Variants in ZNF25 observed in about 807,000 individuals in gnomAD.
ZNF25 encodes the protein zinc finger protein 25.
A neutral mutation model predicts 30.9 loss-of-function variants in ZNF25; 21 were observed. The ratio of observed to expected loss-of-function variants is 0.68; its 90% confidence interval spans 0.48 to 0.98. ZNF25 has a LOEUF of 0.98. Among genes scored for constraint, ZNF25 ranks in the 50% least tolerant of loss-of-function variants. The pLI, the probability that ZNF25 is intolerant of heterozygous loss-of-function variation, is 0.00. For synonymous variants in ZNF25, 169 were observed against 181.3 expected (o/e 0.93, Z 0.55); for missense variants, 501 against 529.9 (o/e 0.95, Z 0.54).
rs1794372312 is a variant in ZNF25 at position 37,949,719 on chromosome 10, T to C, written c.*2408A>G. 6.6e-6 allele frequency: 1 copy of C among 152,500 alleles called. No homozygotes were observed. Among genetic ancestry groups the C allele is most frequent in the Non-Finnish European group, 1.5e-5 (1 of 68,032 alleles). The allele number at this position is 152,500 out of a possible 1,614,324, so 9.4% of individuals were successfully genotyped here. On this transcript the variant is annotated 3_prime_UTR_variant, in exon 6 of 6. Coordinates refer to ENST00000302609, the MANE Select transcript of ZNF25 (RefSeq NM_145011.4). ...GGAATTGGGTATTGTAAGTTTTTTG[T>C]TATTGGGTTACGTTAGCTAAGTATG... is the stretch of plus-strand genomic sequence containing the variant.
chr10:37,953,795 C>T lies in ZNF25; in HGVS notation c.239-37G>A, dbSNP rs375978349. ...CCAAAAATGTAATACTTTATAAATACTACACATTAATATTGTCATAGCATT... is the reference window on the plus strand; with the variant it reads ...CCAAAAATGTAATACTTTATAAATATTACACATTAATATTGTCATAGCATT... On this transcript the variant is annotated intron_variant, in intron 4 of 5. Coordinates refer to ENST00000302609, the MANE Select transcript of ZNF25 (RefSeq NM_145011.4). 25 of 1,536,436 alleles carry T rather than the reference C, an allele frequency of 1.6e-5. No homozygotes were observed. The African/African-American group carries it at 3.3e-4, about 20-fold the overall frequency.
intron 2 of ZNF25, among the ~76,000 whole-genome samples, chr10:37,966,868 G>A (rs2063216477): frequency 6.6e-6 from 1 of 152,166 alleles, no homozygotes; most frequent in South Asian, 2.1e-4. Flanking sequence ...ACTTTAAATA[G>A]ATTAGACTCA....
At chr10:37,957,188 G>A in intron 3 of ZNF25, 73 bp from the exon 4 acceptor site, 1 of 1,453,432 alleles carries the variant, frequency 6.9e-7, no homozygotes, top group Non-Finnish European at 9.6e-7. Context: ...TGAGGAAGTG[G>A]AGTTTCAGGA....
At chr10:37,972,884 C>A (rs2063570756) in intron 1 of ZNF25, among the ~76,000 whole-genome samples, 1 of 152,084 alleles carries the variant, frequency 6.6e-6, no homozygotes, top group South Asian at 2.1e-4. Flanking sequence ...AAACCAGTAG[C>A]AGGCCAGGCA....
rs114879741 is a variant in ZNF25 at position 37,970,103 on chromosome 10, C to G, written c.15+1605G>C. Reference sequence around the variant, plus strand: ...ATTTGCCATGGTGGGAGTATTTATACCACAGAAATTGGTAAACAGTATAAA... The same window carrying G: ...ATTTGCCATGGTGGGAGTATTTATAGCACAGAAATTGGTAAACAGTATAAA... On this transcript the variant is annotated intron_variant, in intron 2 of 5. Transcript: ENST00000302609. Among the ~76,000 whole-genome samples the G allele has an allele frequency of 3.8e-3, 572 of 152,120 alleles. 2 individuals carry two copies. The highest frequency in any genetic ancestry group is 0.013 in the African/African-American group (554 of 41,508).
rs2062262794 is a variant in ZNF25 at position 37,953,014 on chromosome 10, T to A, written c.484A>T (p.Ile162Leu). 2 of 1,614,054 alleles carry A rather than the reference T, an allele frequency of 1.2e-6. No homozygotes were observed. The highest frequency in any genetic ancestry group is 1.7e-6 in the Non-Finnish European group (2 of 1,179,998). ...GKSFSKNEDL[I>L]RHQKIHTRDK... ...CTCGTGTGAATTTTCTGATGTCTTA[T>A]GAGGTCTTCATTTTTAGAGAAAGAT... The change falls in exon 6 of 6, where the codon ATA becomes TTA. Residue 162 changes from isoleucine (I) to leucine (L), a missense_variant. Transcript: ENST00000302609.
chr10:37,976,172 C>T (rs375889338), intron 1 of ZNF25, among the ~76,000 whole-genome samples: 1 of 152,238 alleles, frequency 6.6e-6, no homozygotes, highest in Non-Finnish European at 1.5e-5. Flanking sequence ...CTGGGACCAC[C>T]TACAGACGCT....
At chr10:37,968,482 A>G (rs1381225483) in intron 2 of ZNF25, among the ~76,000 whole-genome samples, 1 of 151,948 alleles carries the variant, frequency 6.6e-6, no homozygotes, top group African/African-American at 2.4e-5. Flanking sequence ...CAGCCTCCCA[A>G]GTAGCTGGGA....
At chr10:37,954,028 A>G (rs982790534) in intron 4 of ZNF25, among the ~76,000 whole-genome samples, 1 of 152,224 alleles carries the variant, frequency 6.6e-6, no homozygotes, top group African/African-American at 2.4e-5. Context: ...AAGACAAAAA[A>G]AGAACCGGGA....
chr10:37,976,158 C>T (rs2135480347), intron 1 of ZNF25, among the ~76,000 whole-genome samples: 1 of 152,338 alleles, frequency 6.6e-6, no homozygotes, highest in East Asian at 1.9e-4. Context: ...CGCGTCGAGC[C>T]GCACTGGGAC....
At chr10:37,971,682 AAGTT>A (rs768797637) in intron 2 of ZNF25, 22 bp downstream of exon 2, 3 of 1,609,776 alleles carry the variant, frequency 1.9e-6, no homozygotes, top group South Asian at 1.1e-5. Flanking sequence ...CAGTGAAACA[AAGTT>A]AGGGCTAAGT....
chr10:37,969,359 A>T (rs2063360295), intron 2 of ZNF25, among the ~76,000 whole-genome samples: 1 of 152,264 alleles, frequency 6.6e-6, no homozygotes. Context: ...CAAAAAGTGG[A>T]AACCACCCAA....
At chr10:37,955,108 C>CG (rs1564759128) in intron 4 of ZNF25, among the ~76,000 whole-genome samples, 5 of 151,460 alleles carry the variant, frequency 3.3e-5, no homozygotes. Context: ...GAGCTGAGAT[C>CG]GCACCACTGC....
chr10:37,975,264 T>C (rs1037027024), intron 1 of ZNF25, among the ~76,000 whole-genome samples: 3 of 152,178 alleles, frequency 2.0e-5, no homozygotes, highest in African/African-American at 7.2e-5. Flanking sequence ...ATTTCGAATA[T>C]TTGCAACACA....
chr10:37,963,977 AAAATAAATAAGC>A (rs751255463), intron 2 of ZNF25, among the ~76,000 whole-genome samples: 3 of 152,150 alleles, frequency 2.0e-5, no homozygotes, highest in Non-Finnish European at 4.4e-5. Flanking sequence ...TCTACCTCAA[AAAATAAATAAGC>A]AAATAAATAA....
chr10:37,954,024 A>C (rs951407135), intron 4 of ZNF25, among the ~76,000 whole-genome samples: 1 of 152,192 alleles, frequency 6.6e-6, no homozygotes, highest in Non-Finnish European at 1.5e-5. Context: ...GTTAAAGACA[A>C]AAAAAGAACC....
chr10:37,962,447 G>T (rs749951835), intron 2 of ZNF25, among the ~76,000 whole-genome samples: 2 of 152,124 alleles, frequency 1.3e-5, no homozygotes, highest in South Asian at 4.1e-4. Flanking sequence ...TTCACTGAAA[G>T]ACCATTTTCT....
chr10:37,957,124 G>T lies in ZNF25; in HGVS notation c.143-9C>A. Reference sequence around the variant, plus strand: ...CTTATTCACATGGTAACCTATGAATGGAAAATATCAAGGAAATGATACAAA... The same window carrying T: ...CTTATTCACATGGTAACCTATGAATTGAAAATATCAAGGAAATGATACAAA... On this transcript the variant is annotated splice_polypyrimidine_tract_variant and intron_variant, in intron 3 of 5. Transcript: ENST00000302609. 6.2e-7 allele frequency: 1 copy of T among 1,608,502 alleles called. No homozygotes were observed. The highest frequency in any genetic ancestry group is 8.5e-7 in the Non-Finnish European group (1 of 1,175,620).
chr10:37,967,120 T>A (rs2063228151), intron 2 of ZNF25, among the ~76,000 whole-genome samples: 1 of 152,120 alleles, frequency 6.6e-6, no homozygotes, highest in South Asian at 2.1e-4. Context: ...CAAATGACAA[T>A]ACTACCCAAA....
Sources: gnomAD v4.1 joint callset for allele counts (sites outside exome capture counted in the v4.1 genomes callset) on GRCh38, gnomAD v4.1.1 for gene constraint, MANE v1.5 for transcripts, NCBI Gene and HGNC (gene_info 2026-07-23, HGNC 2026-07-21) for gene names.